Variants in BDNF observed in about 807,000 individuals in gnomAD.
BDNF encodes the protein brain derived neurotrophic factor, also known as neurotrophic factor BDNF precursor form.
Under a neutral mutation model 19.5 loss-of-function variants are expected in BDNF, and 1 was observed. The observed-to-expected ratio is 0.05, with a 90% confidence interval of 0.02 to 0.24. The LOEUF is 0.24. Ranked by LOEUF, BDNF falls within the 10% of genes least tolerant of loss-of-function variation. The pLI is 1.00. For missense variants in BDNF, 195 were observed against 317.6 expected (o/e 0.61, Z 2.93); for synonymous variants, 100 against 121.6 (o/e 0.82, Z 1.17).
At chr11:27,696,685 T>C (rs1455198395) in intron 1 of BDNF, among the ~76,000 whole-genome samples, 1 of 152,200 alleles carries the variant, frequency 6.6e-6, no homozygotes, top group Non-Finnish European at 1.5e-5. Flanking sequence ...TCTATAACAA[T>C]TGTTTGAAAA....
intron 1 of BDNF, among the ~76,000 whole-genome samples, chr11:27,669,018 C>T (rs1854862009): frequency 6.6e-6 from 1 of 152,204 alleles, no homozygotes; most frequent in Non-Finnish European, 1.5e-5. Flanking sequence ...CAGTAAAATA[C>T]TGGCAAACCG....
chr11:27,716,509 G>A (rs905942903), intron 1 of BDNF, among the ~76,000 whole-genome samples: 2 of 150,498 alleles, frequency 1.3e-5, no homozygotes, highest in African/African-American at 4.9e-5. Context: ...AGCAGAGAAA[G>A]ACACCAGCCA....
chr11:27,696,238 A>C (rs1858974877), intron 1 of BDNF: 1 of 152,176 alleles, frequency 6.6e-6, no homozygotes, highest in Non-Finnish European at 1.5e-5. Flanking sequence ...GACACACATG[A>C]CTAAGCCTAC....
At chr11:27,717,038 ACTAAAG>A (rs1860541175) in intron 1 of BDNF, among the ~76,000 whole-genome samples, 1 of 152,116 alleles carries the variant, frequency 6.6e-6, no homozygotes, top group Non-Finnish European at 1.5e-5. Flanking sequence ...GTTGTTTCTT[ACTAAAG>A]CTTCCCCTAG....
At chr11:27,697,805 G>A (rs1859294997) in intron 1 of BDNF, 1 of 152,174 alleles carries the variant, frequency 6.6e-6, no homozygotes, top group South Asian at 2.1e-4. Context: ...CTCTGAATGG[G>A]CTATGAAAGG....
chr11:27,682,869 AC>A (rs1216457047), intron 1 of BDNF, among the ~76,000 whole-genome samples: 1 of 152,218 alleles, frequency 6.6e-6, no homozygotes, highest in African/African-American at 2.4e-5. Flanking sequence ...CAATAAACAT[AC>A]ATGTGCATGT....
intron 1 of BDNF, among the ~76,000 whole-genome samples, chr11:27,715,947 T>A (rs567070692): frequency 6.6e-6 from 1 of 152,172 alleles, no homozygotes; most frequent in African/African-American, 2.4e-5. Context: ...AAATCTCTTA[T>A]AGGATTGTTT....
chr11:27,666,043 C>T (rs557184763), intron 1 of BDNF, among the ~76,000 whole-genome samples: 15 of 152,300 alleles, frequency 9.8e-5, no homozygotes, highest in South Asian at 2.1e-4. Flanking sequence ...ACACCTCATA[C>T]GGCCAGGTGC....
chr11:27,682,629 A>G (rs950835700), intron 1 of BDNF, among the ~76,000 whole-genome samples: 5 of 151,672 alleles, frequency 3.3e-5, no homozygotes, highest in Non-Finnish European at 5.9e-5. Context: ...TCACTGTTCA[A>G]CTCCCACTTA....
chr11:27,660,284 A>C (rs989024309), intron 1 of BDNF: 7 of 1,223,566 alleles, frequency 5.7e-6, no homozygotes, highest in South Asian at 1.4e-5. Context: ...TAAACACACA[A>C]AAAAATTTCT....
chr11:27,717,798 A>G (rs1390010419), intron 1 of BDNF, among the ~76,000 whole-genome samples: 2 of 151,932 alleles, frequency 1.3e-5, no homozygotes, highest in Non-Finnish European at 2.9e-5. Context: ...CAGGTGCACC[A>G]TTTTTAAAGT....
chr11:27,719,215 C>T (rs1564999273), intron 1 of BDNF, among the ~76,000 whole-genome samples: 1 of 152,188 alleles, frequency 6.6e-6, no homozygotes, highest in Non-Finnish European at 1.5e-5. Flanking sequence ...AAGCCCCTCA[C>T]CTCCACCCAC....
rs1852716614 is a variant in BDNF at position 27,657,448 on chromosome 11, GT to G, written c.*372del. 9.8e-7 allele frequency: 1 copy of G among 1,016,204 alleles called. No individual in the cohort carries two copies. Among genetic ancestry groups the G allele is most frequent in the Admixed American group, 5.9e-5 (1 of 17,020 alleles). 62.9% of individuals were successfully genotyped at this position (1,016,204 alleles called of 1,614,324 possible). On this transcript the variant is annotated 3_prime_UTR_variant, in exon 2 of 2. Coordinates refer to ENST00000356660, the MANE Select transcript of BDNF (RefSeq NM_001709.5). The surrounding 1 kb of genome is among the most constrained non-coding windows in gnomAD (Gnocchi z 5.0). The stretch of plus-strand genomic sequence containing the variant: ...ACGGAATGTTTTGGTTCAAATTTTT[GT>G]TGTGTGTGTGTGTGTTTTTTTTCTG...
At chr11:27,702,766 A>G (rs554361397), upstream of BDNF, among the ~76,000 whole-genome samples, 22 of 152,304 alleles carry the variant, frequency 1.4e-4, no homozygotes, top group African/African-American at 4.6e-4. Context: ...GAAATTATTT[A>G]CCCGTTTTAT....
At chr11:27,678,802 TA>T (rs745315344) in intron 1 of BDNF, among the ~76,000 whole-genome samples, 8 of 151,766 alleles carry the variant, frequency 5.3e-5, no homozygotes, top group African/African-American at 1.4e-4. Flanking sequence ...TAAAAGGGGT[TA>T]AAAAAAACAC....
At chr11:27,674,257 C>G in intron 1 of BDNF, 1 of 1,576,884 alleles carries the variant, frequency 6.3e-7, no homozygotes, top group Non-Finnish European at 8.6e-7. Flanking sequence ...CTTGTGCACT[C>G]ATGGAGAAAA....
At chr11:27,711,092 G>T (rs1860307787) in intron 1 of BDNF, among the ~76,000 whole-genome samples, 1 of 152,168 alleles carries the variant, frequency 6.6e-6, no homozygotes, top group Non-Finnish European at 1.5e-5. Context: ...AAAGGGCTTT[G>T]ACATTAGACA....
rs111372372 is a variant in BDNF, at chr11:27,675,362, A to G, written c.-21-16777T>C. The G allele has an allele frequency of 1.9e-3, 286 of 152,334 alleles. 1 individual carries two copies. Among genetic ancestry groups the G allele is most frequent in the African/African-American group, 6.5e-3 (270 of 41,576 alleles). The allele number at this position is 152,334 out of a possible 1,614,324, so 9.4% of individuals were successfully genotyped here. ...CTTAATAGGGTATTTTGTCAAAACTATGCATGAAGGTCATTTGTTTGAGAT... is the reference window on the plus strand; with the variant it reads ...CTTAATAGGGTATTTTGTCAAAACTGTGCATGAAGGTCATTTGTTTGAGAT... On this transcript the variant is annotated intron_variant, in intron 1 of 1. Coordinates refer to ENST00000356660, the MANE Select transcript of BDNF (RefSeq NM_001709.5).
chr11:27,693,064 A>G (rs1381789427), intron 1 of BDNF, among the ~76,000 whole-genome samples: 1 of 152,154 alleles, frequency 6.6e-6, no homozygotes, highest in African/African-American at 2.4e-5. Flanking sequence ...AATGCTTTCA[A>G]ATTCCCTATG....
Sources: allele counts gnomAD v4.1 joint callset (sites outside exome capture counted in the v4.1 genomes callset), GRCh38; gene constraint gnomAD v4.1.1; non-coding constraint Gnocchi (gnomAD v3.1); transcripts MANE v1.5; gene names NCBI Gene and HGNC (gene_info 2026-07-23, HGNC 2026-07-21).